The following PAM variants were observed in gnomAD, a reference collection of about 807,000 sequenced individuals.
PAM encodes the protein peptidyl-glycine alpha-amidating monooxygenase.
PAM carries 72 observed loss-of-function variants against 122.1 expected under a neutral mutation model. The observed-to-expected ratio is 0.59, with a 90% confidence interval of 0.49 to 0.72. The LOEUF (loss-of-function observed/expected upper bound fraction) is 0.72, where lower values mean the gene tolerates loss of function less well. Among genes scored for constraint, PAM ranks in the 30% least tolerant of loss-of-function variants. The pLI, the probability that PAM is intolerant of heterozygous loss-of-function variation, is 0.00. For missense variants in PAM, 1,106 were observed against 1,183.7 expected (o/e 0.93, Z 0.96); for synonymous variants, 389 against 404.4 (o/e 0.96, Z 0.46).
chr5:102,785,642 A>G (rs1760313112), intron 1 of PAM, among the ~76,000 whole-genome samples: 1 of 151,936 alleles, frequency 6.6e-6, no homozygotes, highest in South Asian at 2.1e-4. Flanking sequence ...GTCAAAGAAA[A>G]TATAATTTCT....
Position 102,961,227 on chromosome 5 carries a change from A to C in PAM, c.1160A>C (p.Gln387Pro), listed in dbSNP as rs748346231. The C allele has an allele frequency of 6.5e-7, 1 of 1,533,112 alleles. No homozygotes were observed. Among genetic ancestry groups the C allele is most frequent in the Non-Finnish European group, 9.0e-7 (1 of 1,107,184 alleles). The allele number at this position is 1,533,112 out of a possible 1,614,324, so 95.0% of individuals were successfully genotyped here. ...PKREEEEVLDQGDFYSLLSKL... is the reference protein window; with the variant it reads ...PKREEEEVLDPGDFYSLLSKL... ...CGAGAAGAAGAAGAAGTGTTAGACCAGGGTATGTATGCTTATTTCTATAAC... is the reference window on the plus strand; with the variant it reads ...CGAGAAGAAGAAGAAGTGTTAGACCCGGGTATGTATGCTTATTTCTATAAC... The change falls in exon 14 of 26, where the codon CAG becomes CCG. Residue 387 changes from glutamine to proline, a missense_variant and splice_region_variant. This residue lies in a region of PAM where 670 missense variants were observed against 690.3 expected (regional missense o/e 0.97). Transcript: ENST00000438793.
intron 7 of PAM, 70 bp downstream of exon 7, chr5:102,926,738 A>G (rs1216892629): frequency 1.3e-6 from 1 of 778,852 alleles, no homozygotes; most frequent in East Asian, 2.6e-5. Context: ...TGCACAAACT[A>G]TTATCTACAT....
intron 1 of PAM, among the ~76,000 whole-genome samples, chr5:102,768,800 C>T (rs186882678): frequency 6.6e-6 from 1 of 152,228 alleles, no homozygotes; most frequent in African/African-American, 2.4e-5. Flanking sequence ...TATCAGAGTG[C>T]AGATATCTCT....
intron 1 of PAM, among the ~76,000 whole-genome samples, chr5:102,792,086 C>T (rs1419237217): frequency 2.6e-5 from 4 of 151,708 alleles, no homozygotes; most frequent in African/African-American, 9.7e-5. Context: ...TTTGATCCTT[C>T]TTTTTTTTCA....
chr5:102,808,534 C>G (rs1005135297), intron 1 of PAM, among the ~76,000 whole-genome samples: 2 of 152,150 alleles, frequency 1.3e-5, no homozygotes, highest in African/African-American at 4.8e-5. Flanking sequence ...TATGTAACTT[C>G]CTTAAAATAT....
intron 15 of PAM, among the ~76,000 whole-genome samples, chr5:102,985,470 T>C (rs1771501753): frequency 6.6e-6 from 1 of 151,970 alleles, no homozygotes; most frequent in Non-Finnish European, 1.5e-5. Context: ...TTTTCAACAA[T>C]TGTATGCTAA....
chr5:102,761,817 A>G (rs189579486), intron 1 of PAM, among the ~76,000 whole-genome samples: 1 of 152,250 alleles, frequency 6.6e-6, no homozygotes, highest in Non-Finnish European at 1.5e-5. Flanking sequence ...TAATTGTTGC[A>G]TGTAACTGGA....
At chr5:103,003,208 A>G in intron 17 of PAM, 59 bp downstream of exon 17, 2 of 780,768 alleles carry the variant, frequency 2.6e-6, no homozygotes, top group Non-Finnish European at 4.5e-6. Context: ...TATAAAGTGT[A>G]TCATAGAGTC....
chr5:102,994,327 T>G (rs1775027870), intron 16 of PAM, among the ~76,000 whole-genome samples: 1 of 152,192 alleles, frequency 6.6e-6, no homozygotes, highest in Non-Finnish European at 1.5e-5. Flanking sequence ...AATACAGGAT[T>G]AATTTATTCC....
chr5:102,875,635 T>C (rs1788934053), intron 3 of PAM, among the ~76,000 whole-genome samples: 1 of 152,224 alleles, frequency 6.6e-6, no homozygotes, highest in Non-Finnish European at 1.5e-5. Flanking sequence ...TTTTTTGTTG[T>C]TATTCTTGTC....
chr5:102,895,569 TG>T (rs1387238003), intron 3 of PAM, among the ~76,000 whole-genome samples: 2 of 151,518 alleles, frequency 1.3e-5, no homozygotes, highest in East Asian at 2.0e-4. Flanking sequence ...AGAACAGGCC[TG>T]GGGGGAAAAA....
At chr5:102,974,603 A>AT (rs1016939426) in intron 15 of PAM, 167 bp downstream of exon 15, 190 of 514,440 alleles carry the variant, frequency 3.7e-4, no homozygotes, top group South Asian at 6.9e-4. Flanking sequence ...ATCTTTGAAG[A>AT]TTTTTTTTTG....
At chr5:103,009,264 C>A (rs1779936649) in intron 20 of PAM, among the ~76,000 whole-genome samples, 1 of 152,028 alleles carries the variant, frequency 6.6e-6, no homozygotes, top group Non-Finnish European at 1.5e-5. Context: ...TTTTCAAATT[C>A]TAGTTGTTTA....
chr5:102,985,352 TAAATA>T (rs1771446299), intron 15 of PAM, among the ~76,000 whole-genome samples: 1 of 151,630 alleles, frequency 6.6e-6, no homozygotes, highest in African/African-American at 2.4e-5. Flanking sequence ...AAGATTCAAA[TAAATA>T]AAATCAGAAA....
At chr5:102,888,574 T>C (rs1011634797) in intron 3 of PAM, among the ~76,000 whole-genome samples, 2 of 151,934 alleles carry the variant, frequency 1.3e-5, no homozygotes, top group Non-Finnish European at 2.9e-5. Flanking sequence ...CCCTAAAATG[T>C]CACCTCTGTA....
Position 102,966,158 on chromosome 5 carries a change from T to G in PAM, c.1162+4929T>G, listed in dbSNP as rs187906925. Reference sequence around the variant, plus strand: ...GTTTGTATGCCTATTCACTAAAAATTTATTGGTTTCTTATGATTTATGAGC... The same window carrying G: ...GTTTGTATGCCTATTCACTAAAAATGTATTGGTTTCTTATGATTTATGAGC... On this transcript the variant is annotated intron_variant, in intron 14 of 25. Coordinates refer to ENST00000438793, the MANE Select transcript of PAM (RefSeq NM_001177306.2). 2.0e-5 allele frequency among the ~76,000 whole-genome samples: 3 copies of G among 152,202 alleles called. No homozygotes were observed. In the East Asian group the frequency reaches 5.8e-4, roughly 29 times the overall value.
At chr5:102,877,449 A>G (rs1789601789) in intron 3 of PAM, among the ~76,000 whole-genome samples, 1 of 152,218 alleles carries the variant, frequency 6.6e-6, no homozygotes, top group Non-Finnish European at 1.5e-5. Flanking sequence ...ACAGGTTAGA[A>G]TCTACATTTC....
chr5:102,875,797 A>G (rs1788987857), intron 3 of PAM, among the ~76,000 whole-genome samples: 1 of 152,214 alleles, frequency 6.6e-6, no homozygotes, highest in Admixed American at 6.5e-5. Flanking sequence ...GCTTTGTCTC[A>G]ATGGAAAACT....
intron 15 of PAM, among the ~76,000 whole-genome samples, chr5:102,984,714 C>T (rs184554679): frequency 2.8e-4 from 43 of 152,172 alleles, no homozygotes; most frequent in Non-Finnish European, 1.2e-4. Context: ...ATTGAAACTG[C>T]GCTTTAGACC....
Sources: gnomAD v4.1 joint callset for allele counts (sites outside exome capture counted in the v4.1 genomes callset) on GRCh38, gnomAD v4.1.1 for gene constraint, gnomAD v4.1.1 regional missense constraint, MANE v1.5 for transcripts, NCBI Gene and HGNC (gene_info 2026-07-23, HGNC 2026-07-21) for gene names.